The following STRN variants were observed in gnomAD, a reference collection of about 807,000 sequenced individuals.
STRN encodes striatin.
STRN carries 53 observed loss-of-function variants against 96.3 expected under a neutral mutation model. The observed-to-expected ratio is 0.55, with a 90% CI of 0.44 to 0.69. The LOEUF is 0.69. Ranked by LOEUF, STRN falls within the 30% of genes least tolerant of loss-of-function variation. STRN has a pLI of 0.00. For synonymous variants in STRN, 428 were observed against 355.9 expected (o/e 1.20, Z -2.28); for missense variants, 987 against 963.9 (o/e 1.02, Z -0.32).
At position 36,927,041 on chromosome 2, in the gene STRN, T is replaced by G. The variant is rs534659250; in HGVS notation, c.235-1833A>C. ...TAAGCTAATCAATGCAATCAAACTT[T>G]GAAGGTAATAACAATATCAATTATC... On this transcript the variant is annotated intron_variant, in intron 1 of 17. Coordinates refer to ENST00000263918, the MANE Select transcript of STRN (RefSeq NM_003162.4). Among the ~76,000 whole-genome samples the G allele has an allele frequency of 1.2e-3, 182 of 152,292 alleles. 1 individual carries two copies. Among genetic ancestry groups the G allele is most frequent in the African/African-American group, 4.0e-3 (167 of 41,576 alleles).
At chr2:36,918,704 A>C (rs1447457020) in intron 2 of STRN, among the ~76,000 whole-genome samples, 3 of 152,190 alleles carry the variant, frequency 2.0e-5, no homozygotes, top group Non-Finnish European at 4.4e-5. Flanking sequence ...AGGTCTCCCT[A>C]CTGAATTGTT....
chr2:36,930,529 C>A (rs7608869), intron 1 of STRN, among the ~76,000 whole-genome samples: 13,361 of 151,924 alleles, frequency 0.088, 690 homozygotes, highest in South Asian at 0.14. Context: ...TTAGGTTCTA[C>A]CCTCAGAGTT....
intron 9 of STRN, among the ~76,000 whole-genome samples, chr2:36,880,200 T>A (rs544644553): frequency 1.6e-4 from 24 of 152,346 alleles, no homozygotes; most frequent in African/African-American, 5.8e-4. Context: ...ACTCCTGACC[T>A]CAAGCGATCT....
intron 1 of STRN, among the ~76,000 whole-genome samples, chr2:36,939,015 C>A (rs1670775428): frequency 1.3e-5 from 2 of 151,588 alleles, no homozygotes; most frequent in Non-Finnish European, 1.5e-5. Context: ...GAGACTGAGT[C>A]TTGCTCTGTC....
At chr2:36,936,179 T>C (rs1475212522) in intron 1 of STRN, among the ~76,000 whole-genome samples, 2 of 152,146 alleles carry the variant, frequency 1.3e-5, no homozygotes, top group Non-Finnish European at 2.9e-5. Context: ...TTGCTTATGT[T>C]CCTATTTCAT....
In STRN at chr2:36,886,724, C is replaced by T; in HGVS notation, c.1034G>A (p.Gly345Glu). The T allele has an allele frequency of 1.2e-6, 2 of 1,608,626 alleles. No individual in the cohort carries two copies. Among genetic ancestry groups the T allele is most frequent in the Non-Finnish European group, 1.7e-6 (2 of 1,176,930 alleles). The change falls in exon 8 of 18, where the codon GGG becomes GAG. Residue 345 changes from glycine to glutamate, a missense_variant. By Grantham distance (98) the Gly-to-Glu change is moderately conservative. Transcript: ENST00000263918. ...CAATGTTTTCCACTTACTCTTCACC[C>T]CCTTTTTCCCCTTTCTCTCCTTTTT... ...QYKKERKGKK[G>E]VKRPNRSKLQ...
At chr2:36,871,005 T>C (rs776765062) in intron 10 of STRN, among the ~76,000 whole-genome samples, 2 of 152,172 alleles carry the variant, frequency 1.3e-5, no homozygotes, top group Non-Finnish European at 2.9e-5. Flanking sequence ...ATTTTAAAAA[T>C]AGGAAAAAGC....
rs936280424 is a variant in STRN at position 36,869,633 on chromosome 2, T to C, written c.1420A>G (p.Ile474Val). 6.2e-7 allele frequency: 1 copy of C among 1,613,136 alleles called. No individual in the cohort carries two copies. The highest frequency in any genetic ancestry group is 1.7e-5 in the Admixed American group (1 of 59,880). Residue 474 changes from isoleucine to valine, a missense_variant, in exon 11 of 18, where the codon ATT becomes GTT. Physicochemically the swap from Ile to Val is conservative, Grantham distance 29. Transcript: ENST00000263918. The stretch of plus-strand genomic sequence containing the variant: ...GATGCTGTTATCAAAACAGGCTCAA[T>C]GGGATGGAAAGCAAGGGCTCGGATG... ...DGIRALAFHP[I>V]EPVLITASED...
At chr2:36,907,195 G>A in intron 3 of STRN, among the ~76,000 whole-genome samples, 1 of 152,100 alleles carries the variant, frequency 6.6e-6, no homozygotes. Context: ...ATCTTTATAG[G>A]ATCTTATTCA....
At chr2:36,913,666 T>G (rs1199385866) in intron 3 of STRN, among the ~76,000 whole-genome samples, 2 of 152,202 alleles carry the variant, frequency 1.3e-5, no homozygotes, top group African/African-American at 4.8e-5. Context: ...ATTCACTGGA[T>G]TTGGTACTAG....
intron 10 of STRN, among the ~76,000 whole-genome samples, chr2:36,870,239 A>G (rs2160378): frequency 0.95 from 143,472 of 151,294 alleles, 68,504 homozygotes; most frequent in East Asian, 1. Flanking sequence ...CAAAGAATGC[A>G]TTCCACTGGT....
intron 11 of STRN, among the ~76,000 whole-genome samples, 194 bp downstream of exon 11, chr2:36,869,360 C>T (rs1289909992): frequency 6.6e-6 from 1 of 152,060 alleles, no homozygotes. Flanking sequence ...CAGATAATAC[C>T]ATATCTTCCT....
rs2148112633 is a variant in STRN, at chr2:36,843,185, G to A, written c.*6271C>T. ...ACTGAAAATGTGTGTACATACCAAA[G>A]GATATAATACTCATTAGTATACCAG... is the stretch of plus-strand genomic sequence containing the variant. On this transcript the variant is annotated 3_prime_UTR_variant, in exon 18 of 18. Coordinates refer to ENST00000263918, the MANE Select transcript of STRN (RefSeq NM_003162.4). Among the ~76,000 whole-genome samples, 1 of 152,240 alleles carries A rather than the reference G, an allele frequency of 6.6e-6. No homozygotes were observed. Among genetic ancestry groups the A allele is most frequent in the African/African-American group, 2.4e-5 (1 of 41,530 alleles).
At position 36,858,013 on chromosome 2, in the gene STRN, A is replaced by T; in HGVS notation, c.1680T>A (p.Val560=). 6.3e-7 allele frequency: 1 copy of T among 1,599,778 alleles called. No individual in the cohort carries two copies. Among genetic ancestry groups the T allele is most frequent in the Non-Finnish European group, 8.5e-7 (1 of 1,171,636 alleles). The change falls in exon 14 of 18, where the codon GTT becomes GTA. Residue 560 remains valine (V), a synonymous_variant. Transcript: ENST00000263918. ...IDPYDSYDPS[V]LRGPLLGHTD... The stretch of plus-strand genomic sequence containing the variant: ...TGTGGCCTAGCAGAGGGCCTCGTAA[A>T]ACAGAAGGATCTATACAAAACAGTA...
chr2:36,865,896 A>T (rs949363902), intron 12 of STRN, among the ~76,000 whole-genome samples: 1 of 151,976 alleles, frequency 6.6e-6, no homozygotes, highest in Non-Finnish European at 1.5e-5. Context: ...TAGCACCATA[A>T]ATTTCCCTCT....
intron 10 of STRN, among the ~76,000 whole-genome samples, chr2:36,870,587 T>C (rs1404767839): frequency 6.6e-6 from 1 of 152,206 alleles, no homozygotes; most frequent in Non-Finnish European, 1.5e-5. Flanking sequence ...GCACAATACA[T>C]TACTCACATG....
At chr2:36,919,133 A>G (rs572353648) in intron 2 of STRN, among the ~76,000 whole-genome samples, 1 of 152,326 alleles carries the variant, frequency 6.6e-6, no homozygotes, top group Admixed American at 6.5e-5. Context: ...ATTAATTTCA[A>G]TGAACTATTA....
In STRN at chr2:36,964,544, C is replaced by G. The variant is rs553630276; in HGVS notation, c.234+1686G>C. On this transcript the variant is annotated intron_variant, in intron 1 of 17. Transcript: ENST00000263918. The stretch of plus-strand genomic sequence containing the variant: ...GCAAATATCAGATAGACTAGATCGA[C>G]TAAATACTACAGCAATATAACAATA... Among the ~76,000 whole-genome samples the G allele has an allele frequency of 1.2e-3, 186 of 152,266 alleles. 2 individuals carry two copies. The highest frequency in any genetic ancestry group is 2.3e-3 in the Non-Finnish European group (157 of 68,034).
chr2:36,899,728 T>C, intron 5 of STRN, 70 bp from the exon 6 acceptor site: 8 of 1,370,948 alleles, frequency 5.8e-6, no homozygotes, highest in South Asian at 1.5e-5. Flanking sequence ...ACCCATGATA[T>C]GTTACATCAA....
Sources: gnomAD v4.1 joint callset for allele counts (sites outside exome capture counted in the v4.1 genomes callset) on GRCh38, gnomAD v4.1.1 for gene constraint, MANE v1.5 for transcripts, NCBI Gene and HGNC (gene_info 2026-07-23, HGNC 2026-07-21) for gene names.